The following ANKRD6 variants were observed in gnomAD, a reference collection of about 807,000 sequenced individuals.
ANKRD6 encodes the protein ankyrin repeat domain-containing protein 6.
A neutral mutation model predicts 82.3 loss-of-function variants in ANKRD6; 56 were observed. That is an observed-to-expected ratio of 0.68 (90% CI 0.55 to 0.85). The LOEUF (loss-of-function observed/expected upper bound fraction) is 0.85. Ranked by LOEUF, ANKRD6 falls within the 40% of genes least tolerant of loss-of-function variation. ANKRD6 has a pLI of 0.00. For missense variants in ANKRD6, 852 were observed against 907.6 expected (o/e 0.94, Z 0.79); for synonymous variants, 347 against 352.1 (o/e 0.99, Z 0.16).
chr6:89,441,719 G>A (rs1295529333), intron 1 of ANKRD6, among the ~76,000 whole-genome samples: 2 of 126,640 alleles, frequency 1.6e-5, no homozygotes, highest in Non-Finnish European at 3.1e-5. Context: ...TGCAACCTCC[G>A]CCTCCTGGGT....
At chr6:89,592,050 A>G (rs908417836) in intron 2 of ANKRD6, among the ~76,000 whole-genome samples, 1 of 152,178 alleles carries the variant, frequency 6.6e-6, no homozygotes, top group Non-Finnish European at 1.5e-5. Context: ...TTGGTGAAGA[A>G]TGCCCTTCCA....
intron 1 of ANKRD6, among the ~76,000 whole-genome samples, chr6:89,512,800 A>G (rs909787469): frequency 1.3e-5 from 2 of 152,244 alleles, no homozygotes; most frequent in Middle Eastern, 3.2e-3. Flanking sequence ...ATCTAGAAGA[A>G]GTAATAATCT....
Position 89,618,002 on chromosome 6 carries a change from G to A in ANKRD6, c.763G>A (p.Val255Ile). ...ETARYHNNPE[V>I]ALLLTKAPQV... is the part of the protein sequence containing the mutation. ...TGCCCGCTACCACAATAACCCGGAA[G>A]TTGCTCTTCTCCTTACTAAAGCTCC... The change falls in exon 9 of 16, where the codon GTT becomes ATT. Residue 255 changes from valine (V) to isoleucine (I), a missense_variant. Coordinates refer to ENST00000339746, the MANE Select transcript of ANKRD6 (RefSeq NM_001242809.2). The A allele has an allele frequency of 2.5e-6, 4 of 1,614,046 alleles. No individual in the cohort carries two copies. The highest frequency in any genetic ancestry group is 3.4e-6 in the Non-Finnish European group (4 of 1,179,902).
rs538714041 is a variant in ANKRD6, at chr6:89,603,134, G to A, written c.318+7G>A. On this transcript the variant is annotated splice_region_variant and intron_variant, in intron 4 of 15. Transcript: ENST00000339746. ...CCTGGACAGACAAGACAAGGTGAGT[G>A]GACACTGAGCTTCCTTACTCCCCAA... 2 of 1,594,530 alleles carry A rather than the reference G, an allele frequency of 1.3e-6. No individual in the cohort carries two copies. Among genetic ancestry groups the A allele is most frequent in the East Asian group, 2.3e-5 (1 of 43,778 alleles).
intron 2 of ANKRD6, among the ~76,000 whole-genome samples, chr6:89,572,744 G>A (rs1036976179): frequency 2.0e-5 from 3 of 152,104 alleles, no homozygotes; most frequent in Admixed American, 6.5e-5. Flanking sequence ...TGGGTATCTG[G>A]CTTTCCCAGG....
At chr6:89,556,943 T>C (rs988691731) in intron 1 of ANKRD6, among the ~76,000 whole-genome samples, 1 of 152,132 alleles carries the variant, frequency 6.6e-6, no homozygotes, top group Non-Finnish European at 1.5e-5. Flanking sequence ...AAAGCTTATA[T>C]TTTTAGTCTC....
chr6:89,631,072 G>A lies in ANKRD6; in HGVS notation c.*68G>A. On this transcript the variant is annotated 3_prime_UTR_variant, in exon 16 of 16. Transcript: ENST00000339746. ...AGTTTTGCAACTGCATAATAGCTAT[G>A]CCCAAGGAGTCAACTATTGTATATA... The A allele has an allele frequency of 1.4e-6, 2 of 1,445,350 alleles. No homozygotes were observed. The highest frequency in any genetic ancestry group is 1.8e-6 in the Non-Finnish European group (2 of 1,105,148). 89.5% of individuals were successfully genotyped at this position (1,445,350 alleles called of 1,614,324 possible).
intron 1 of ANKRD6, among the ~76,000 whole-genome samples, chr6:89,537,879 C>CAAAAAAAAAAA (rs55864526): frequency 3.6e-5 from 4 of 110,810 alleles, no homozygotes; most frequent in African/African-American, 1.1e-4. Context: ...GACAATGTCT[C>CAAAAAAAAAAA]AAAAAAAAAA....
intron 1 of ANKRD6, among the ~76,000 whole-genome samples, chr6:89,552,534 A>G (rs996247130): frequency 1.3e-5 from 2 of 152,214 alleles, no homozygotes; most frequent in Non-Finnish European, 2.9e-5. Flanking sequence ...ACTATAAAGA[A>G]GAGGTGAAGG....
intron 1 of ANKRD6, among the ~76,000 whole-genome samples, chr6:89,474,921 T>G (rs1775874032): frequency 6.6e-6 from 1 of 152,200 alleles, no homozygotes. Flanking sequence ...TTATAAGCTG[T>G]TCTAGACAGT....
chr6:89,546,003 T>G (rs1332878971), intron 1 of ANKRD6, among the ~76,000 whole-genome samples: 1 of 152,124 alleles, frequency 6.6e-6, no homozygotes, highest in African/African-American at 2.4e-5. Context: ...GAGACGGGGT[T>G]TCACCGTGTT....
chr6:89,533,765 T>TGTGTGTGA (rs1554228991), intron 1 of ANKRD6, among the ~76,000 whole-genome samples: 1 of 144,726 alleles, frequency 6.9e-6, no homozygotes, highest in Non-Finnish European at 1.5e-5. Context: ...TGTGTGTGTG[T>TGTGTGTGA]GTGAATGAAT....
At chr6:89,598,095 A>T in intron 3 of ANKRD6, 1 of 985,176 alleles carries the variant, frequency 1.0e-6, no homozygotes, top group Non-Finnish European at 1.2e-6. Context: ...TTCTACAGAT[A>T]CTGATCTTTA....
intron 1 of ANKRD6, among the ~76,000 whole-genome samples, chr6:89,552,753 C>T (rs954983027): frequency 6.6e-6 from 1 of 152,284 alleles, no homozygotes; most frequent in South Asian, 2.1e-4. Context: ...CAGCAGCTAT[C>T]ATTATTATCC....
rs541590622 is a variant in ANKRD6, at chr6:89,632,337, A to G, written c.*1333A>G. The G allele has an allele frequency of 6.8e-6, 1 of 146,246 alleles. No individual in the cohort carries two copies. Among genetic ancestry groups the G allele is most frequent in the East Asian group, 2.0e-4 (1 of 4,958 alleles). The allele number at this position is 146,246 out of a possible 1,614,324, so 9.1% of individuals were successfully genotyped here. A position where few individuals can be genotyped will look rare whatever the true frequency, so the allele number is the denominator to read the frequency against. On this transcript the variant is annotated 3_prime_UTR_variant, in exon 16 of 16. Coordinates refer to ENST00000339746, the MANE Select transcript of ANKRD6 (RefSeq NM_001242809.2). ...AGGGTTTTTTCTTTTTTTTATAGTGACAATCCATAGATATAGACATTCCTA... is the reference window on the plus strand; with the variant it reads ...AGGGTTTTTTCTTTTTTTTATAGTGGCAATCCATAGATATAGACATTCCTA...
chr6:89,471,062 C>A lies in ANKRD6; in HGVS notation c.-144+37687C>A, dbSNP rs371617971. Among the ~76,000 whole-genome samples the A allele has an allele frequency of 2.8e-4, 42 of 152,148 alleles. 1 individual carries two copies. The East Asian group carries it at 7.8e-3, about 28-fold the overall frequency. On this transcript the variant is annotated intron_variant, in intron 1 of 15. Coordinates refer to ENST00000339746, the MANE Select transcript of ANKRD6 (RefSeq NM_001242809.2). Reference sequence around the variant, plus strand: ...CTGTGTGTGTGTGCACGTGCACACACTTATGTGTTTTCCTTCAATTAGACT... The same window carrying A: ...CTGTGTGTGTGTGCACGTGCACACAATTATGTGTTTTCCTTCAATTAGACT...
At position 89,631,056 on chromosome 6, in the gene ANKRD6, A is replaced by G. The variant is rs1460072295; in HGVS notation, c.*52A>G. The stretch of plus-strand genomic sequence containing the variant: ...ATTCTTGAAGATTTCCAGTTTTGCA[A>G]CTGCATAATAGCTATGCCCAAGGAG... On this transcript the variant is annotated 3_prime_UTR_variant, in exon 16 of 16. Transcript: ENST00000339746. 15 of 1,457,130 alleles carry G rather than the reference A, an allele frequency of 1.0e-5. No individual in the cohort carries two copies. The highest frequency in any genetic ancestry group is 2.7e-5 in the Admixed American group (1 of 36,612). 90.3% of individuals were successfully genotyped at this position (1,457,130 alleles called of 1,614,324 possible). A position where few individuals can be genotyped will look rare whatever the true frequency, so the allele number is the denominator to read the frequency against.
At chr6:89,436,878 A>G (rs1381738883) in intron 1 of ANKRD6, among the ~76,000 whole-genome samples, 1 of 152,202 alleles carries the variant, frequency 6.6e-6, no homozygotes, top group South Asian at 2.1e-4. Context: ...CATCCCGTCA[A>G]GGGGGAAGAG....
At chr6:89,574,926 C>G (rs952855104) in intron 2 of ANKRD6, among the ~76,000 whole-genome samples, 1 of 152,094 alleles carries the variant, frequency 6.6e-6, no homozygotes, top group Non-Finnish European at 1.5e-5. Flanking sequence ...CATACAGGAG[C>G]CTTCAGAATG....
Sources: allele counts gnomAD v4.1 joint callset (sites outside exome capture counted in the v4.1 genomes callset), GRCh38; gene constraint gnomAD v4.1.1; transcripts MANE v1.5; gene names NCBI Gene and HGNC (gene_info 2026-07-23, HGNC 2026-07-21).